Variants in TBC1D22A observed in about 807,000 individuals in gnomAD.
The protein encoded by TBC1D22A is TBC1 domain family member 22A, also known as putative GTPase activator.
TBC1D22A carries 38 observed loss-of-function variants against 60.2 expected under a neutral mutation model. That is an observed-to-expected ratio of 0.63 (90% CI 0.49 to 0.83). The LOEUF is 0.83. Among genes scored for constraint, TBC1D22A ranks in the 40% least tolerant of loss-of-function variants. The probability of loss-of-function intolerance (pLI) is 0.00; values close to 1 mark genes in which losing one functional copy is unlikely to be tolerated. For synonymous variants in TBC1D22A, 302 were observed against 281.7 expected, an observed-to-expected ratio of 1.07 and a Z score of -0.72; for missense variants, 628 against 701.0, an observed-to-expected ratio of 0.90 and a Z score of 1.18.
chr22:47,081,489 C>T (rs1050251602), intron 11 of TBC1D22A, among the ~76,000 whole-genome samples: 1 of 152,024 alleles, frequency 6.6e-6, no homozygotes, highest in Non-Finnish European at 1.5e-5. Flanking sequence ...GGAGTTTAGC[C>T]GGGGCCTCCA....
At chr22:46,902,023 G>C (rs139615967) in intron 7 of TBC1D22A, among the ~76,000 whole-genome samples, 1 of 152,202 alleles carries the variant, frequency 6.6e-6, no homozygotes, top group Non-Finnish European at 1.5e-5. Context: ...GAGCTCCCTC[G>C]TGTGCACTGA....
At chr22:46,965,907 C>T (rs2073778561) in intron 8 of TBC1D22A, among the ~76,000 whole-genome samples, 1 of 152,190 alleles carries the variant, frequency 6.6e-6, no homozygotes, top group South Asian at 2.1e-4. Flanking sequence ...CCGCCTGTGC[C>T]CACCTCGTTT....
chr22:47,055,432 C>T (rs958495831), intron 11 of TBC1D22A, among the ~76,000 whole-genome samples: 4 of 152,170 alleles, frequency 2.6e-5, no homozygotes. Flanking sequence ...AGAAAACTAG[C>T]CCCAGTAGTT....
At chr22:46,887,778 G>A (rs1258245539) in intron 5 of TBC1D22A, among the ~76,000 whole-genome samples, 10 of 152,154 alleles carry the variant, frequency 6.6e-5, no homozygotes, top group African/African-American at 2.4e-5. Flanking sequence ...TAATGCACAC[G>A]ATTTTGGGGT....
At chr22:47,095,726 C>G (rs949215752) in intron 11 of TBC1D22A, among the ~76,000 whole-genome samples, 3 of 152,232 alleles carry the variant, frequency 2.0e-5, no homozygotes, top group Non-Finnish European at 4.4e-5. Context: ...CCTGAGGAAA[C>G]TCATGGCAGT....
chr22:47,036,682 T>C (rs999874060), intron 10 of TBC1D22A, among the ~76,000 whole-genome samples: 4 of 152,180 alleles, frequency 2.6e-5, no homozygotes, highest in African/African-American at 4.8e-5. Context: ...TCATCTCCTC[T>C]CTCTAAGCCC....
At chr22:47,099,698 G>C (rs991349227) in intron 11 of TBC1D22A, among the ~76,000 whole-genome samples, 1 of 151,724 alleles carries the variant, frequency 6.6e-6, no homozygotes, top group Non-Finnish European at 1.5e-5. Flanking sequence ...ACCTGCCTCA[G>C]CCTCCCAAAG....
chr22:46,904,948 G>C (rs1779944494), intron 7 of TBC1D22A, among the ~76,000 whole-genome samples: 1 of 151,600 alleles, frequency 6.6e-6, no homozygotes, highest in Admixed American at 6.6e-5. Flanking sequence ...CTAATTTTTT[G>C]TATTTTTAGT....
chr22:46,941,152 A>G (rs2072011666), intron 8 of TBC1D22A, among the ~76,000 whole-genome samples: 1 of 116,986 alleles, frequency 8.5e-6, no homozygotes, highest in Non-Finnish European at 1.7e-5. Flanking sequence ...CACACAGTCC[A>G]CCCTTGAACA....
At chr22:47,018,956 G>C (rs995006329) in intron 10 of TBC1D22A, among the ~76,000 whole-genome samples, 3 of 152,112 alleles carry the variant, frequency 2.0e-5, no homozygotes, top group Non-Finnish European at 4.4e-5. Context: ...TGTCAGCATA[G>C]CACTCACTGT....
intron 1 of TBC1D22A, among the ~76,000 whole-genome samples, chr22:46,785,324 G>A (rs2084112909): frequency 6.6e-6 from 1 of 152,194 alleles, no homozygotes; most frequent in African/African-American, 2.4e-5. Flanking sequence ...AGATCCTTGT[G>A]GCTAATTTTG....
chr22:47,002,288 C>T (rs752924258), intron 10 of TBC1D22A, among the ~76,000 whole-genome samples: 69 of 152,196 alleles, frequency 4.5e-4, no homozygotes, highest in Non-Finnish European at 8.1e-4. Flanking sequence ...TTACATCTGT[C>T]ACGTCTGATG....
Position 47,070,124 on chromosome 22 carries a change from G to C in TBC1D22A, c.1329+32926G>C, listed in dbSNP as rs113815673. Reference sequence around the variant, plus strand: ...TGGAGCGGAGCTGACTTGATGGTTCGAGACTGTTCCCTGTTGTTTGGTTGG... The same window carrying C: ...TGGAGCGGAGCTGACTTGATGGTTCCAGACTGTTCCCTGTTGTTTGGTTGG... On this transcript the variant is annotated intron_variant, in intron 11 of 12. Transcript: ENST00000337137. 2.9e-4 allele frequency among the ~76,000 whole-genome samples: 27 copies of C among 94,592 alleles called. 1 individual carries two copies. The highest frequency in any genetic ancestry group is 9.0e-4 in the African/African-American group (16 of 17,796). The allele number at this position is 94,592 out of a possible 152,430, so 62.1% of individuals were successfully genotyped here. A position where few individuals can be genotyped will look rare whatever the true frequency, so the allele number is the denominator to read the frequency against.
At chr22:46,846,034 G>C (rs573992930) in intron 4 of TBC1D22A, among the ~76,000 whole-genome samples, 1 of 152,346 alleles carries the variant, frequency 6.6e-6, no homozygotes, top group South Asian at 2.1e-4. Context: ...TAAAAGATGA[G>C]ATGCTTTTTA....
At chr22:47,095,045 T>C (rs1938838199) in intron 11 of TBC1D22A, among the ~76,000 whole-genome samples, 1 of 152,230 alleles carries the variant, frequency 6.6e-6, no homozygotes, top group African/African-American at 2.4e-5. Flanking sequence ...GGCTGTGCCA[T>C]GAAATGTGAT....
intron 11 of TBC1D22A, among the ~76,000 whole-genome samples, chr22:47,093,321 A>C (rs1219411563): frequency 6.6e-6 from 1 of 152,094 alleles, no homozygotes; most frequent in African/African-American, 2.4e-5. Flanking sequence ...ATCTCTCCTC[A>C]GGCCCTTGCT....
At chr22:47,099,450 G>T (rs1157058925) in intron 11 of TBC1D22A, among the ~76,000 whole-genome samples, 2 of 145,098 alleles carry the variant, frequency 1.4e-5, no homozygotes, top group African/African-American at 2.5e-5. Context: ...TTCTTTTGTT[G>T]TTTTTTTTTT....
At chr22:46,890,200 G>A (rs536963206) in intron 5 of TBC1D22A, among the ~76,000 whole-genome samples, 2 of 152,018 alleles carry the variant, frequency 1.3e-5, no homozygotes, top group East Asian at 1.9e-4. Context: ...TTAGCTGGGC[G>A]TGGTGGCGGG....
At chr22:46,803,447 G>A (rs973828499) in intron 4 of TBC1D22A, among the ~76,000 whole-genome samples, 4 of 152,160 alleles carry the variant, frequency 2.6e-5, no homozygotes, top group African/African-American at 9.7e-5. Flanking sequence ...CGCTTCTGCT[G>A]TGGGAGCTGG....
Sources: allele counts gnomAD v4.1 joint callset (sites outside exome capture counted in the v4.1 genomes callset), GRCh38; gene constraint gnomAD v4.1.1; transcripts MANE v1.5; gene names NCBI Gene and HGNC (gene_info 2026-07-23, HGNC 2026-07-21).